HMG20A: variants seen among roughly 807,000 people sequenced by gnomAD.
The protein encoded by HMG20A is high mobility group 20A, also known as high mobility group protein 20A.
Under a neutral mutation model 43.9 loss-of-function variants are expected in HMG20A, and 17 were observed. The ratio of observed to expected loss-of-function variants is 0.39; its 90% CI spans 0.27 to 0.58. The LOEUF is 0.58. Among genes scored for constraint, HMG20A ranks in the 20% least tolerant of loss-of-function variants. The pLI is 0.59. For synonymous variants in HMG20A, 132 were observed against 147.5 expected (o/e 0.89, Z 0.76); for missense variants, 341 against 438.2 (o/e 0.78, Z 1.98).
chr15:77,453,474 G>T (rs12906155), intron 1 of HMG20A, among the ~76,000 whole-genome samples: 11,556 of 152,186 alleles, frequency 0.076, 578 homozygotes, highest in Non-Finnish European at 0.1. Flanking sequence ...TAGGTTACTG[G>T]TATGAATGTA....
Position 77,448,971 on chromosome 15 carries a change from A to G in HMG20A, c.-4-9433A>G, listed in dbSNP as rs113064652. On this transcript the variant is annotated intron_variant, in intron 1 of 9. Coordinates refer to ENST00000336216, the MANE Select transcript of HMG20A (RefSeq NM_001304504.2). The stretch of plus-strand genomic sequence containing the variant: ...GAGGCTGAGGCCGAGAATTGCTTGA[A>G]CCAGGAGGTAGGGGTTGCAGTAAGC... Among the ~76,000 whole-genome samples the G allele has an allele frequency of 3.2e-4, 49 of 152,144 alleles. 2 individuals carry two copies. Among genetic ancestry groups the G allele is most frequent in the African/African-American group, 1.1e-3 (46 of 41,498 alleles).
intron 1 of HMG20A, among the ~76,000 whole-genome samples, chr15:77,427,745 A>C (rs906457586): frequency 6.6e-6 from 1 of 152,096 alleles, no homozygotes; most frequent in African/African-American, 2.4e-5. Flanking sequence ...TGCTGTCCTT[A>C]TTTTCTGAAT....
intron 6 of HMG20A, among the ~76,000 whole-genome samples, chr15:77,476,584 AG>A (rs1334246963): frequency 6.6e-6 from 1 of 150,992 alleles, no homozygotes; most frequent in Non-Finnish European, 1.5e-5. Flanking sequence ...AATGAAATCT[AG>A]GTATTATGTT....
intron 1 of HMG20A, among the ~76,000 whole-genome samples, chr15:77,444,118 ATGCAGAGCTTG>A (rs1322896370): frequency 6.6e-6 from 1 of 152,220 alleles, no homozygotes; most frequent in Non-Finnish European, 1.5e-5. Flanking sequence ...CTTTTATTGT[ATGCAGAGCTTG>A]TAAAGAAATA....
chr15:77,430,276 G>A (rs931364084), intron 1 of HMG20A, among the ~76,000 whole-genome samples: 1 of 152,136 alleles, frequency 6.6e-6, no homozygotes, highest in Non-Finnish European at 1.5e-5. Flanking sequence ...AATACTCTAG[G>A]TTAAATAACT....
chr15:77,475,470 G>C (rs1352116642), intron 6 of HMG20A, among the ~76,000 whole-genome samples: 2 of 152,216 alleles, frequency 1.3e-5, no homozygotes, highest in East Asian at 3.8e-4. Context: ...AGTCTGAGGA[G>C]AGTCAAGACT....
intron 7 of HMG20A, chr15:77,477,993 T>C (rs1186206077): frequency 2.0e-6 from 1 of 495,586 alleles, no homozygotes; most frequent in East Asian, 3.7e-5. Flanking sequence ...GCAAAACCCC[T>C]CAGGCTTCTG....
intron 1 of HMG20A, among the ~76,000 whole-genome samples, chr15:77,433,813 T>C (rs570468703): frequency 6.6e-6 from 1 of 152,330 alleles, no homozygotes; most frequent in Non-Finnish European, 1.5e-5. Flanking sequence ...ATCATTTCTC[T>C]CCAAATTGCT....
intron 1 of HMG20A, among the ~76,000 whole-genome samples, chr15:77,456,380 T>G (rs2072654343): frequency 6.6e-6 from 1 of 152,088 alleles, no homozygotes. Context: ...AGGGATACTT[T>G]TAGAAAGAAG....
the HMG20A span, among the ~76,000 whole-genome samples, chr15:77,509,531 C>T: frequency 6.8e-6 from 1 of 147,182 alleles, no homozygotes; most frequent in South Asian, 2.3e-4. Context: ...GCTGGGAATA[C>T]AGGCATGAGC....
At chr15:77,472,340 T>G (rs1369861251) in intron 6 of HMG20A, among the ~76,000 whole-genome samples, 1 of 152,182 alleles carries the variant, frequency 6.6e-6, no homozygotes, top group Non-Finnish European at 1.5e-5. Flanking sequence ...AGTGGCACAA[T>G]CTCAGCCCAC....
intron 1 of HMG20A, among the ~76,000 whole-genome samples, chr15:77,448,963 T>G (rs919647276): frequency 6.6e-6 from 1 of 151,896 alleles, no homozygotes; most frequent in South Asian, 2.1e-4. Flanking sequence ...AGGCCGAGAA[T>G]TGCTTGAACC....
chr15:77,458,570 T>C, intron 2 of HMG20A, 74 bp downstream of exon 2: 1 of 964,210 alleles, frequency 1.0e-6, no homozygotes, highest in South Asian at 1.4e-5. Flanking sequence ...TAAGAGGTCC[T>C]AAAGAGGCAG....
At chr15:77,488,444 GACA>G (rs777981783), downstream of HMG20A, among the ~76,000 whole-genome samples, 24 of 152,264 alleles carry the variant, frequency 1.6e-4, no homozygotes, top group Non-Finnish European at 1.6e-4. Context: ...TTTTAATAGA[GACA>G]AATAATTTTT....
the HMG20A span, among the ~76,000 whole-genome samples, chr15:77,496,919 G>A: frequency 2.0e-5 from 3 of 152,204 alleles, no homozygotes; most frequent in African/African-American, 2.4e-5. Flanking sequence ...GCCTTATTTC[G>A]CAAGAGAGTG....
chr15:77,471,805 T>C lies in HMG20A; in HGVS notation c.606T>C (p.His202=). 1.3e-6 allele frequency: 2 copies of C among 1,561,358 alleles called. No individual in the cohort carries two copies. Among genetic ancestry groups the C allele is most frequent in the Non-Finnish European group, 1.8e-6 (2 of 1,139,260 alleles). The change falls in exon 6 of 10, where the codon CAT becomes CAC. Residue 202 remains histidine (H), a synonymous_variant. Coordinates refer to ENST00000336216, the MANE Select transcript of HMG20A (RefSeq NM_001304504.2). ...TAGATGCAGCCCGGCAGGCCACTCA[T>C]GATCATGAGGTAATTAGCCATCTGT... ...HRQDAARQAT[H]DHEKETEVKE... is the part of the protein sequence containing the mutation.
downstream of HMG20A, among the ~76,000 whole-genome samples, chr15:77,488,346 T>G (rs1490386948): frequency 6.6e-6 from 1 of 152,252 alleles, no homozygotes; most frequent in Admixed American, 6.5e-5. Flanking sequence ...TAAAACATGG[T>G]TTCTGCCCTC....
chr15:77,432,871 GA>G (rs1396424293), intron 1 of HMG20A, among the ~76,000 whole-genome samples: 1 of 151,810 alleles, frequency 6.6e-6, no homozygotes, highest in Non-Finnish European at 1.5e-5. Context: ...TATCAGGAAT[GA>G]AAAGGGAAAA....
rs1228645147 is a variant in HMG20A at position 77,478,321 on chromosome 15, C to T, written c.718C>T (p.Arg240Cys). The part of the protein sequence containing the change: ...KAREAELRQL[R>C]KSNMEFEERN... ...TCGGGAAGCAGAGCTCCGCCAGCTT[C>T]GCAAATCCAACATGGAGTTTGAGGA... The change falls in exon 8 of 10, where the codon CGC (arginine) becomes TGC (cysteine). Residue 240 changes from arginine (R) to cysteine (C), a missense_variant. This residue lies in a region of HMG20A where 118 missense variants were observed against 154.5 expected (regional missense o/e 0.76). Transcript: ENST00000336216. 2.5e-6 allele frequency: 4 copies of T among 1,613,430 alleles called. No individual in the cohort carries two copies. The highest frequency in any genetic ancestry group is 1.3e-5 in the African/African-American group (1 of 74,904).
Sources: gnomAD v4.1 joint callset for allele counts (sites outside exome capture counted in the v4.1 genomes callset) on GRCh38, gnomAD v4.1.1 for gene constraint, gnomAD v4.1.1 regional missense constraint, MANE v1.5 for transcripts, NCBI Gene and HGNC (gene_info 2026-07-23, HGNC 2026-07-21) for gene names.